CAST: variants seen among roughly 807,000 people sequenced by gnomAD.
CAST encodes MIR583 host.
A neutral mutation model predicts 119.6 loss-of-function variants in CAST; 76 were observed. That is an observed-to-expected ratio of 0.64 (90% CI 0.53 to 0.77). The LOEUF (loss-of-function observed/expected upper bound fraction) is 0.77. Ranked by LOEUF, CAST falls within the 30% of genes least tolerant of loss-of-function variation. CAST has a pLI of 0.00. For synonymous variants in CAST, 319 were observed against 331.6 expected, an observed-to-expected ratio of 0.96 and a Z score of 0.41; for missense variants, 953 against 946.5, an observed-to-expected ratio of 1.01 and a Z score of -0.09.
chr5:96,231,299 C>T, the CAST span, among the ~76,000 whole-genome samples: 6 of 151,818 alleles, frequency 4.0e-5, no homozygotes, highest in Admixed American at 1.3e-4. Flanking sequence ...GGTCTTTGGC[C>T]GCAAAAAGGA....
At chr5:96,277,735 A>G in the CAST span, among the ~76,000 whole-genome samples, 3 of 152,082 alleles carry the variant, frequency 2.0e-5, no homozygotes, top group African/African-American at 7.3e-5. Flanking sequence ...TATACAAAAC[A>G]TCATCATTAA....
At chr5:96,463,711 A>T in the CAST span, among the ~76,000 whole-genome samples, 14 of 151,986 alleles carry the variant, frequency 9.2e-5, no homozygotes, top group Non-Finnish European at 1.5e-4. Context: ...AGAAGGTGGT[A>T]CCCCAATTAA....
chr5:96,251,392 G>A, the CAST span, among the ~76,000 whole-genome samples: 10 of 152,202 alleles, frequency 6.6e-5, no homozygotes, highest in East Asian at 7.7e-4. Context: ...ATAGAGTCTC[G>A]CTGGGAAGCA....
chr5:96,733,021 G>A lies in CAST; in HGVS notation c.630+2161G>A, dbSNP rs1018713107. ...AGGTCATAGGGAAAATGAGTTTTAG[G>A]GTAAAAGTATGGCACATCTCCCTGA... is the stretch of plus-strand genomic sequence containing the variant. On this transcript the variant is annotated intron_variant, in intron 9 of 31. Transcript: ENST00000675179. Among the ~76,000 whole-genome samples, 7 of 151,712 alleles carry A rather than the reference G, an allele frequency of 4.6e-5. No homozygotes were observed. The South Asian group carries it at 1.0e-3, about 22-fold the overall frequency.
chr5:96,512,331 G>C, the CAST span, among the ~76,000 whole-genome samples: 1 of 152,166 alleles, frequency 6.6e-6, no homozygotes, highest in African/African-American at 2.4e-5. Context: ...GATTCTGTAG[G>C]TCTAGGCTGG....
At chr5:96,299,270 C>T in the CAST span, among the ~76,000 whole-genome samples, 6 of 149,344 alleles carry the variant, frequency 4.0e-5, no homozygotes, top group African/African-American at 1.3e-4. Flanking sequence ...ACAACAACAA[C>T]AACAACAACA....
the CAST span, among the ~76,000 whole-genome samples, chr5:95,999,323 T>G: frequency 6.6e-6 from 1 of 152,278 alleles, no homozygotes. Context: ...AGTGTCTCAT[T>G]GTATGGATAC....
chr5:96,257,094 A>G, the CAST span, among the ~76,000 whole-genome samples: 5 of 152,174 alleles, frequency 3.3e-5, no homozygotes, highest in Admixed American at 3.3e-4. Context: ...GGAGGAACAC[A>G]TCTGTAGCAA....
chr5:96,432,545 T>G, the CAST span, among the ~76,000 whole-genome samples: 1 of 152,282 alleles, frequency 6.6e-6, no homozygotes, highest in East Asian at 1.9e-4. Flanking sequence ...TATCTCAAGT[T>G]CCCTGAACAA....
chr5:96,507,610 T>C, the CAST span, among the ~76,000 whole-genome samples: 3 of 152,338 alleles, frequency 2.0e-5, no homozygotes, highest in East Asian at 3.9e-4. Flanking sequence ...GGGTTACTTC[T>C]GACTTTAGGG....
chr5:96,175,094 T>C, the CAST span, among the ~76,000 whole-genome samples: 1 of 152,204 alleles, frequency 6.6e-6, no homozygotes, highest in African/African-American at 2.4e-5. Flanking sequence ...TTAGAAGACA[T>C]AGATTTTTCT....
At chr5:96,681,070 T>A (rs1188838731) in intron 2 of CAST, among the ~76,000 whole-genome samples, 1 of 152,256 alleles carries the variant, frequency 6.6e-6, no homozygotes, top group Non-Finnish European at 1.5e-5. Flanking sequence ...CTCTGGGAAG[T>A]TACAAGATTC....
At chr5:96,491,448 G>A in the CAST span, among the ~76,000 whole-genome samples, 2 of 116,402 alleles carry the variant, frequency 1.7e-5, no homozygotes, top group Non-Finnish European at 3.3e-5. Flanking sequence ...CCGAGATCAC[G>A]CCACTGCACT....
At chr5:96,461,662 T>C in the CAST span, among the ~76,000 whole-genome samples, 6 of 152,092 alleles carry the variant, frequency 3.9e-5, no homozygotes, top group Non-Finnish European at 8.8e-5. Flanking sequence ...TGATCCGTGT[T>C]ATTTGAGGGT....
chr5:96,460,559 T>C, the CAST span, among the ~76,000 whole-genome samples: 2 of 132,228 alleles, frequency 1.5e-5, no homozygotes, highest in Non-Finnish European at 3.4e-5. Context: ...AAATAAATTC[T>C]AAGTACAAAA....
At chr5:96,310,620 T>C in the CAST span, among the ~76,000 whole-genome samples, 1 of 151,962 alleles carries the variant, frequency 6.6e-6, no homozygotes, top group African/African-American at 2.4e-5. Flanking sequence ...AACTCATTAT[T>C]GGTTTATTCA....
At chr5:96,100,660 T>G in the CAST span, among the ~76,000 whole-genome samples, 4 of 152,200 alleles carry the variant, frequency 2.6e-5, no homozygotes, top group African/African-American at 9.7e-5. Context: ...TCTTCATTTT[T>G]CTTACCTTAG....
the CAST span, among the ~76,000 whole-genome samples, chr5:96,161,733 T>C: frequency 6.6e-6 from 1 of 152,160 alleles, no homozygotes; most frequent in Non-Finnish European, 1.5e-5. Context: ...TAATATTAAG[T>C]TTTCTGATCT....
intron 1 of CAST, among the ~76,000 whole-genome samples, chr5:96,583,254 G>T (rs1224563641): frequency 2.0e-5 from 3 of 151,062 alleles, no homozygotes; most frequent in African/African-American, 7.3e-5. Flanking sequence ...CTGGGAGGAG[G>T]TTGATGCCAG....
Sources: allele counts gnomAD v4.1 joint callset (sites outside exome capture counted in the v4.1 genomes callset), GRCh38; gene constraint gnomAD v4.1.1; transcripts MANE v1.5; gene names NCBI Gene and HGNC (gene_info 2026-07-23, HGNC 2026-07-21).